Variants in FAM133B observed in about 807,000 individuals in gnomAD.
FAM133B encodes protein FAM133B.
FAM133B carries 25 observed loss-of-function variants against 46.4 expected under a neutral mutation model. That is an observed-to-expected ratio of 0.54 (90% CI 0.39 to 0.75). The LOEUF is 0.75. Ranked by LOEUF, FAM133B falls within the 30% of genes least tolerant of loss-of-function variation. The pLI is 0.00. For missense variants in FAM133B, 205 were observed against 277.6 expected, an observed-to-expected ratio of 0.74 and a Z score of 1.86; for synonymous variants, 75 against 86.0, an observed-to-expected ratio of 0.87 and a Z score of 0.71.
intron 8 of FAM133B, among the ~76,000 whole-genome samples, chr7:92,573,078 A>G (rs779197066): frequency 7.9e-5 from 12 of 152,200 alleles, no homozygotes; most frequent in African/African-American, 1.4e-4. Flanking sequence ...ATACTAATAT[A>G]ATAAAAGTAT....
chr7:92,573,212 A>C (rs893209103), intron 8 of FAM133B, among the ~76,000 whole-genome samples: 1 of 148,940 alleles, frequency 6.7e-6, no homozygotes, highest in Non-Finnish European at 1.5e-5. Context: ...CTGTCATCCA[A>C]GCTGGAGTGC....
chr7:92,564,424 A>T (rs949278609), intron 10 of FAM133B, among the ~76,000 whole-genome samples: 1 of 152,242 alleles, frequency 6.6e-6, no homozygotes. Flanking sequence ...TGAAAGCATG[A>T]AACAGTGAAA....
intron 1 of FAM133B, among the ~76,000 whole-genome samples, chr7:92,584,387 C>T (rs1277218683): frequency 6.6e-6 from 1 of 152,142 alleles, no homozygotes; most frequent in Admixed American, 6.5e-5. Flanking sequence ...CATTTCCCAC[C>T]TTTATAACAG....
At chr7:92,571,821 CAAG>C (rs1003392160) in intron 8 of FAM133B, among the ~76,000 whole-genome samples, 3 of 152,154 alleles carry the variant, frequency 2.0e-5, no homozygotes, top group African/African-American at 7.2e-5. Flanking sequence ...TCCAGTACGG[CAAG>C]TTATACCCAG....
At chr7:92,563,208 C>T (rs574296335) in intron 10 of FAM133B, among the ~76,000 whole-genome samples, 4 of 152,158 alleles carry the variant, frequency 2.6e-5, no homozygotes, top group Admixed American at 2.0e-4. Context: ...TATCCATTTC[C>T]TATCTATCAG....
At chr7:92,578,041 C>A in intron 5 of FAM133B, 109 bp downstream of exon 5, 7 of 948,286 alleles carry the variant, frequency 7.4e-6, no homozygotes, top group Non-Finnish European at 8.0e-6. Context: ...AGTTCCTTGA[C>A]TCATCTGGAG....
chr7:92,580,430 G>C (rs1346074968), intron 2 of FAM133B, among the ~76,000 whole-genome samples: 1 of 152,106 alleles, frequency 6.6e-6, no homozygotes, highest in Non-Finnish European at 1.5e-5. Flanking sequence ...ACAGGCAGAG[G>C]CTGACCAGCC....
At chr7:92,566,144 G>C in intron 9 of FAM133B, 83 bp from the exon 10 acceptor site, 1 of 1,277,590 alleles carries the variant, frequency 7.8e-7, no homozygotes, top group East Asian at 2.3e-5. Context: ...TCTCTATCTT[G>C]CATCTTCAAA....
chr7:92,565,356 A>T (rs1182671790), intron 10 of FAM133B, among the ~76,000 whole-genome samples: 2 of 148,028 alleles, frequency 1.4e-5, no homozygotes, highest in Non-Finnish European at 3.0e-5. Context: ...GGGTTTCACC[A>T]TGTTGGACAG....
At chr7:92,581,418 G>C (rs994872593) in intron 2 of FAM133B, 88 bp downstream of exon 2, 2 of 1,072,700 alleles carry the variant, frequency 1.9e-6, no homozygotes, top group African/African-American at 3.2e-5. Flanking sequence ...GCAATTGCTT[G>C]GTAATCAATA....
At chr7:92,567,902 T>C (rs1347667810) in intron 9 of FAM133B, among the ~76,000 whole-genome samples, 1 of 151,878 alleles carries the variant, frequency 6.6e-6, no homozygotes, top group Non-Finnish European at 1.5e-5. Flanking sequence ...TAGCTGGGAT[T>C]GCGGGTCTGT....
Position 92,577,118 on chromosome 7 carries a change from A to G in FAM133B, c.450T>C (p.Thr150=). 1 of 1,481,534 alleles carries G rather than the reference A, an allele frequency of 6.7e-7. No homozygotes were observed. The highest frequency in any genetic ancestry group is 2.6e-5 in the East Asian group (1 of 38,786). The allele number at this position is 1,481,534 out of a possible 1,614,324, so 91.8% of individuals were successfully genotyped here. Residue 150 remains threonine, a synonymous_variant, in exon 7 of 11, where the codon ACT becomes ACC. Transcript: ENST00000445716. ...HKSSESSMSE[T]ESDSKDSLKK... ...AATAATTTACCTTACTGTCTGATTCAGTTTCTGACATGGAGCTTTCAGAAG... is the reference window on the plus strand; with the variant it reads ...AATAATTTACCTTACTGTCTGATTCGGTTTCTGACATGGAGCTTTCAGAAG...
At chr7:92,582,927 G>C (rs1296051913) in intron 1 of FAM133B, among the ~76,000 whole-genome samples, 2 of 152,144 alleles carry the variant, frequency 1.3e-5, no homozygotes, top group East Asian at 3.8e-4. Context: ...CAGTTTAGTG[G>C]TCCCTCAAAA....
At chr7:92,581,811 TG>T in intron 1 of FAM133B, 2 of 456,444 alleles carry the variant, frequency 4.4e-6, no homozygotes, top group Middle Eastern at 6.2e-4. Context: ...TGTGTGTGTG[TG>T]TGTGTGTGTG....
intron 10 of FAM133B, among the ~76,000 whole-genome samples, chr7:92,564,109 C>T (rs1159619073): frequency 6.6e-6 from 1 of 152,194 alleles, no homozygotes; most frequent in Non-Finnish European, 1.5e-5. Flanking sequence ...TGGCATTCCT[C>T]TTTCCCCACC....
intron 10 of FAM133B, among the ~76,000 whole-genome samples, 199 bp from the exon 11 acceptor site, chr7:92,562,567 G>A (rs1364780704): frequency 2.6e-5 from 4 of 152,128 alleles, no homozygotes; most frequent in Admixed American, 6.5e-5. Flanking sequence ...CAAAAAGATA[G>A]GGAGAAACTC....
chr7:92,574,514 T>A (rs1331307837), intron 8 of FAM133B, among the ~76,000 whole-genome samples: 1 of 152,124 alleles, frequency 6.6e-6, no homozygotes, highest in Non-Finnish European at 1.5e-5. Context: ...GTAAATACAT[T>A]AATACTGAAT....
intron 5 of FAM133B, 30 bp downstream of exon 5, chr7:92,578,120 C>A (rs376567555): frequency 6.3e-7 from 1 of 1,582,634 alleles, no homozygotes; most frequent in East Asian, 2.2e-5. Context: ...TTAATTGTAA[C>A]GTTTAGAAAA....
intron 3 of FAM133B, 118 bp from the exon 4 acceptor site, chr7:92,578,511 C>T (rs1270249397): frequency 2.3e-6 from 2 of 865,132 alleles, no homozygotes; most frequent in African/African-American, 3.4e-5. Flanking sequence ...CCCATTTCAG[C>T]TTCTAATTAC....
Sources: allele counts gnomAD v4.1 joint callset (sites outside exome capture counted in the v4.1 genomes callset), GRCh38; gene constraint gnomAD v4.1.1; transcripts MANE v1.5; gene names NCBI Gene and HGNC (gene_info 2026-07-23, HGNC 2026-07-21).